Variants in TRPM8 observed in about 807,000 individuals in gnomAD.
TRPM8 encodes the protein transient receptor potential cation channel subfamily M member 8.
Under a neutral mutation model 133.7 loss-of-function variants are expected in TRPM8, and 110 were observed. The observed-to-expected ratio is 0.82, with a 90% CI of 0.70 to 0.96. The LOEUF is 0.96. TRPM8 is among the 40% of genes least tolerant of loss of function. The pLI is 0.00. For synonymous variants in TRPM8, 535 were observed against 532.3 expected, an observed-to-expected ratio of 1.01 and a Z score of -0.07; for missense variants, 1,291 against 1,379.5, an observed-to-expected ratio of 0.94 and a Z score of 1.02.
intron 1 of TRPM8, among the ~76,000 whole-genome samples, chr2:233,917,796 C>A (rs945940273): frequency 6.7e-6 from 1 of 148,186 alleles, no homozygotes; most frequent in Non-Finnish European, 1.5e-5. Context: ...CTATCTGAAG[C>A]AATCCTATTG....
chr2:233,964,594 A>C, intron 13 of TRPM8, 34 bp from the exon 14 acceptor site: 1 of 1,450,630 alleles, frequency 6.9e-7, no homozygotes, highest in Non-Finnish European at 9.2e-7. Context: ...GAAAAAAAAG[A>C]ATTAACCTTA....
intron 20 of TRPM8, among the ~76,000 whole-genome samples, chr2:233,985,098 A>T (rs1176907981): frequency 6.7e-6 from 1 of 149,832 alleles, no homozygotes; most frequent in African/African-American, 2.5e-5. Flanking sequence ...AAAAAAAAAG[A>T]TGTAAAAAAT....
At chr2:233,939,816 G>C (rs2125090012) in intron 5 of TRPM8, among the ~76,000 whole-genome samples, 1 of 152,280 alleles carries the variant, frequency 6.6e-6, no homozygotes, top group South Asian at 2.1e-4. Flanking sequence ...GGGAACCGTT[G>C]AAAGCAGGTT....
chr2:233,944,011 G>C (rs28901633), intron 6 of TRPM8, among the ~76,000 whole-genome samples: 4 of 152,084 alleles, frequency 2.6e-5, no homozygotes, highest in Admixed American at 1.3e-4. Context: ...GCATGGTAGA[G>C]GGGGAGGAGG....
chr2:233,984,677 C>T (rs997352385), intron 20 of TRPM8, among the ~76,000 whole-genome samples: 4 of 152,184 alleles, frequency 2.6e-5, no homozygotes, highest in Non-Finnish European at 5.9e-5. Context: ...TCCTTCCCCT[C>T]GAGCCCCTTC....
intron 1 of TRPM8, among the ~76,000 whole-genome samples, chr2:233,923,244 AC>A (rs966871341): frequency 1.3e-5 from 2 of 152,144 alleles, no homozygotes; most frequent in African/African-American, 4.8e-5. Context: ...TTGGCAGCAG[AC>A]CCAGTGAGGT....
chr2:233,955,144 G>A lies in TRPM8; in HGVS notation c.1256G>A (p.Ser419Asn), dbSNP rs7593557. ...TGCCCTCTCACAGCCTTCAGCACCA[G>A]TGAGCAAGACAAGGATAACTGGAAT... ...SYALYKAFSTSEQDKDNWNGQ... is the reference protein window; with the variant it reads ...SYALYKAFSTNEQDKDNWNGQ... The change falls in exon 11 of 26, where the codon AGT becomes AAT. Residue 419 changes from serine to asparagine, a missense_variant. Transcript: ENST00000324695. 163,512 of 1,613,196 alleles carry A rather than the reference G, an allele frequency of 0.1. 22,097 individuals carry two copies. The highest frequency in any genetic ancestry group is 0.56 in the African/African-American group (41,687 of 74,890).
chr2:233,928,803 G>T (rs541231470), intron 2 of TRPM8, among the ~76,000 whole-genome samples: 3 of 152,226 alleles, frequency 2.0e-5, no homozygotes, highest in Admixed American at 2.0e-4. Context: ...CCATGTGGCC[G>T]CCCCGTTGGC....
rs373415724 is a variant in TRPM8, at chr2:233,983,147, G to A, written c.2684G>A (p.Arg895His). The A allele has an allele frequency of 4.3e-6, 7 of 1,614,038 alleles. No homozygotes were observed. Among genetic ancestry groups the A allele is most frequent in the Non-Finnish European group, 4.2e-6 (5 of 1,180,036 alleles). ...RQGILRQNEQ[R>H]WRWIFRSVIY... ...GGGATCCTTAGGCAGAATGAGCAGC[G>A]CTGGAGGTGGATATTCCGTTCGGTC... The change falls in exon 20 of 26, where the codon CGC (arginine) becomes CAC (histidine). Residue 895 changes from arginine to histidine, a missense_variant. By Grantham distance (29) the Arg-to-His change is conservative (BLOSUM62 0). This residue lies in a region of TRPM8 where 328 missense variants were observed against 410.6 expected (regional missense o/e 0.80). Coordinates refer to ENST00000324695, the MANE Select transcript of TRPM8 (RefSeq NM_024080.5).
At position 233,942,727 on chromosome 2, in the gene TRPM8, C is replaced by A. The variant is rs28901630; in HGVS notation, c.678C>A (p.Leu226=). 2 of 1,614,156 alleles carry A rather than the reference C, an allele frequency of 1.2e-6. No individual in the cohort carries two copies. Among genetic ancestry groups the A allele is most frequent in the African/African-American group, 2.7e-5 (2 of 75,040 alleles). The change falls in exon 6 of 26, where the codon CTC becomes CTA. Residue 226 remains leucine (L), a synonymous_variant. Coordinates refer to ENST00000324695, the MANE Select transcript of TRPM8 (RefSeq NM_024080.5). ...AWGMVSNRDT[L]IRNCDAEGYF... ...GCATGGTCTCCAACCGGGACACCCT[C>A]ATCAGGAATTGCGATGCTGAGGTAC...
Position 233,996,502 on chromosome 2 carries a change from AG to A in TRPM8, c.3117del (p.Glu1039AspfsTer21). Reference sequence around the variant, plus strand: ...TGTTGCTGCAAGGAGAAAAACATGGAGTCTTCTGTCTGCTGTGAGTGGTTTA... The same window carrying A: ...TGTTGCTGCAAGGAGAAAAACATGGATCTTCTGTCTGCTGTGAGTGGTTTA... The part of the protein sequence containing the change: ...FKCCCKEKNM[E>X]SSVCCFKNED... On this transcript the variant is annotated frameshift_variant, in exon 22 of 26. Coordinates refer to ENST00000324695, the MANE Select transcript of TRPM8 (RefSeq NM_024080.5). LOFTEE classifies it high-confidence loss of function. The A allele has an allele frequency of 6.2e-7, 1 of 1,614,174 alleles. No individual in the cohort carries two copies. The highest frequency in any genetic ancestry group is 8.5e-7 in the Non-Finnish European group (1 of 1,180,026).
At chr2:233,953,770 G>A in intron 9 of TRPM8, 147 bp from the exon 10 acceptor site, 1 of 598,716 alleles carries the variant, frequency 1.7e-6, no homozygotes, top group East Asian at 2.9e-5. Context: ...CTGTAGTCAA[G>A]GACTCATTGC....
intron 22 of TRPM8, among the ~76,000 whole-genome samples, chr2:234,003,083 T>G (rs1482352181): frequency 6.6e-6 from 1 of 152,118 alleles, no homozygotes; most frequent in East Asian, 1.9e-4. Context: ...TTTTGTGGGG[T>G]TCTTGAACTA....
intron 1 of TRPM8, among the ~76,000 whole-genome samples, chr2:233,923,764 G>A (rs1254569443): frequency 1.3e-5 from 2 of 152,068 alleles, no homozygotes; most frequent in African/African-American, 4.8e-5. Context: ...TCTCTCTTCT[G>A]CCTGGGGAGG....
rs2190952 is a variant in TRPM8 at position 233,934,748 on chromosome 2, A to G, written c.192-2605A>G. Among the ~76,000 whole-genome samples the G allele has an allele frequency of 6.1e-3, 923 of 152,322 alleles. 9 individuals carry two copies. The highest frequency in any genetic ancestry group is 0.021 in the African/African-American group (864 of 41,572). ...AGCAGAGCAACTCCAGTTGAAGCCA[A>G]TTGCTTTCAGGCAGCAGAAACTTGG... On this transcript the variant is annotated intron_variant, in intron 3 of 25. Coordinates refer to ENST00000324695, the MANE Select transcript of TRPM8 (RefSeq NM_024080.5).
intron 22 of TRPM8, among the ~76,000 whole-genome samples, chr2:234,001,774 C>G (rs1337431684): frequency 3.3e-5 from 5 of 152,202 alleles, no homozygotes; most frequent in African/African-American, 1.2e-4. Context: ...GGCACATGGG[C>G]TGGGCCTGGA....
chr2:233,966,510 G>T (rs1248681682), intron 14 of TRPM8, 100 bp from the exon 15 acceptor site: 1 of 1,446,488 alleles, frequency 6.9e-7, no homozygotes. Context: ...TCACGCACAG[G>T]CTATTTTTGG....
rs942442292 is a variant in TRPM8, at chr2:234,016,341, CT to C, written c.*43-953del. ...TTTGGCATGTCCAACTTTTTGTATG[CT>C]TTTTACTTCTAGATATAAGATCATT... is the stretch of plus-strand genomic sequence containing the variant. On this transcript the variant is annotated intron_variant, in intron 25 of 25. Coordinates refer to ENST00000324695, the MANE Select transcript of TRPM8 (RefSeq NM_024080.5). Among the ~76,000 whole-genome samples the C allele has an allele frequency of 3.5e-4, 53 of 152,148 alleles. 1 individual carries two copies. In the South Asian group the frequency reaches 7.7e-3, roughly 22 times the overall value.
rs988884348 is a variant in TRPM8, at chr2:233,939,141, C to T, written c.492C>T (p.Ile164=). The T allele has an allele frequency of 1.9e-6, 3 of 1,614,028 alleles. No homozygotes were observed. The highest frequency in any genetic ancestry group is 2.2e-5 in the South Asian group (2 of 91,088). Residue 164 remains isoleucine, a synonymous_variant, in exon 5 of 26, where the codon ATC becomes ATT. Transcript: ENST00000324695. ...CCCTGAAGCCGCGCATGCGCAAGAT[C>T]TTCAGCCGGCTCATCTACATCGCGC... is the stretch of plus-strand genomic sequence containing the variant. ...NFALKPRMRK[I]FSRLIYIAQS...
Sources: allele counts gnomAD v4.1 joint callset (sites outside exome capture counted in the v4.1 genomes callset), GRCh38; gene constraint gnomAD v4.1.1; regional missense constraint gnomAD v4.1.1; transcripts MANE v1.5; gene names NCBI Gene and HGNC (gene_info 2026-07-23, HGNC 2026-07-21).